CDH12: variants seen among roughly 807,000 people sequenced by gnomAD.
CDH12 encodes cadherin-12.
CDH12 carries 41 observed loss-of-function variants against 74.1 expected under a neutral mutation model. The observed-to-expected ratio is 0.55, with a 90% CI of 0.43 to 0.72. The LOEUF (loss-of-function observed/expected upper bound fraction) is 0.72. CDH12 is among the 30% of genes least tolerant of loss of function. The pLI is 0.00. For synonymous variants in CDH12, 399 were observed against 355.0 expected (o/e 1.12, Z -1.39); for missense variants, 945 against 977.2 (o/e 0.97, Z 0.44).
At chr5:22,239,318 A>C (rs145595891) in intron 3 of CDH12, among the ~76,000 whole-genome samples, 1 of 152,306 alleles carries the variant, frequency 6.6e-6, no homozygotes, top group East Asian at 1.9e-4. Flanking sequence ...TTCTCCAGGA[A>C]ATATAATTAC....
At chr5:21,951,978 G>A (rs1755883256) in intron 6 of CDH12, among the ~76,000 whole-genome samples, 1 of 152,148 alleles carries the variant, frequency 6.6e-6, no homozygotes, top group South Asian at 2.1e-4. Context: ...CAATGGAGAA[G>A]CCACAAAGAG....
chr5:22,568,926 C>T (rs1256087130), intron 1 of CDH12, among the ~76,000 whole-genome samples: 2 of 152,128 alleles, frequency 1.3e-5, no homozygotes, highest in Non-Finnish European at 2.9e-5. Flanking sequence ...AATCTTTTTG[C>T]TAGTGGAGGG....
intron 1 of CDH12, among the ~76,000 whole-genome samples, chr5:22,626,089 C>T (rs4604154): frequency 1.3e-5 from 2 of 152,138 alleles, no homozygotes; most frequent in East Asian, 3.9e-4. Context: ...AGCCATGGTG[C>T]TCCCGCCACT....
At chr5:22,455,810 AG>A (rs1745241109) in intron 2 of CDH12, among the ~76,000 whole-genome samples, 1 of 152,160 alleles carries the variant, frequency 6.6e-6, no homozygotes, top group African/African-American at 2.4e-5. Flanking sequence ...AGAGACAGGA[AG>A]AAAGCTAGGG....
intron 1 of CDH12, among the ~76,000 whole-genome samples, chr5:22,562,963 T>C (rs994493450): frequency 6.8e-6 from 1 of 147,802 alleles, no homozygotes; most frequent in Non-Finnish European, 1.5e-5. Flanking sequence ...TTTTATATAA[T>C]GCATGTTTAT....
At chr5:22,695,885 T>C (rs1024386427) in intron 1 of CDH12, among the ~76,000 whole-genome samples, 2 of 152,224 alleles carry the variant, frequency 1.3e-5, no homozygotes, top group African/African-American at 2.4e-5. Context: ...TTTTCAAGTC[T>C]GAAATTATGA....
intron 5 of CDH12, among the ~76,000 whole-genome samples, chr5:22,062,059 G>A (rs534285821): frequency 1.3e-5 from 2 of 151,990 alleles, no homozygotes; most frequent in South Asian, 4.2e-4. Flanking sequence ...AAAGAAGGAA[G>A]AAAAAAGAAA....
At chr5:21,807,361 ATGGCTAGCCTGG>A (rs1333404375) in intron 9 of CDH12, among the ~76,000 whole-genome samples, 4 of 152,124 alleles carry the variant, frequency 2.6e-5, no homozygotes, top group Non-Finnish European at 5.9e-5. Context: ...TGTCTTCCAC[ATGGCTAGCCTGG>A]TGTCAGATAA....
chr5:22,245,709 C>A (rs1016635665), intron 3 of CDH12, among the ~76,000 whole-genome samples: 10 of 151,484 alleles, frequency 6.6e-5, no homozygotes, highest in African/African-American at 2.4e-4. Flanking sequence ...TATATATAAT[C>A]TGAGATTGGA....
intron 6 of CDH12, among the ~76,000 whole-genome samples, chr5:21,935,011 C>G (rs1755014670): frequency 6.6e-6 from 1 of 152,146 alleles, no homozygotes; most frequent in Non-Finnish European, 1.5e-5. Flanking sequence ...TGGTCTGGAT[C>G]TCCTGACTTC....
intron 1 of CDH12, among the ~76,000 whole-genome samples, chr5:22,554,981 G>T (rs1738733605): frequency 1.3e-5 from 2 of 152,018 alleles, no homozygotes; most frequent in Admixed American, 1.3e-4. Context: ...AGAGCATGAA[G>T]AAAATAAAAA....
intron 4 of CDH12, among the ~76,000 whole-genome samples, chr5:22,141,635 G>A (rs1451074606): frequency 6.6e-6 from 1 of 152,120 alleles, no homozygotes; most frequent in Non-Finnish European, 1.5e-5. Context: ...GCAGCAATAT[G>A]AGTAGATCTG....
At chr5:22,793,548 A>T (rs904519876) in intron 1 of CDH12, among the ~76,000 whole-genome samples, 6 of 152,284 alleles carry the variant, frequency 3.9e-5, no homozygotes, top group African/African-American at 1.2e-4. Flanking sequence ...TTTATCATAA[A>T]CTTCTACAAT....
At chr5:22,330,924 C>T (rs530115245) in intron 3 of CDH12, among the ~76,000 whole-genome samples, 2 of 151,938 alleles carry the variant, frequency 1.3e-5, no homozygotes, top group Non-Finnish European at 2.9e-5. Context: ...GAGCACACTG[C>T]CCTAAAGTGT....
At chr5:22,495,829 T>C (rs568331789) in intron 2 of CDH12, among the ~76,000 whole-genome samples, 2 of 152,236 alleles carry the variant, frequency 1.3e-5, no homozygotes, top group South Asian at 2.1e-4. Flanking sequence ...TTTCTTGAAG[T>C]GGAAGGGGAT....
At chr5:22,137,183 C>G (rs1019524872) in intron 4 of CDH12, among the ~76,000 whole-genome samples, 7 of 152,008 alleles carry the variant, frequency 4.6e-5, no homozygotes, top group African/African-American at 1.7e-4. Context: ...ATCTTGACAT[C>G]AAACACATAT....
intron 1 of CDH12, among the ~76,000 whole-genome samples, chr5:22,850,789 T>C (rs1377868274): frequency 1.3e-5 from 2 of 152,078 alleles, no homozygotes; most frequent in Non-Finnish European, 2.9e-5. Flanking sequence ...ACCCAAGCCC[T>C]TAGATTTTAT....
chr5:22,179,972 T>C (rs1283663468), intron 4 of CDH12, among the ~76,000 whole-genome samples: 1 of 152,202 alleles, frequency 6.6e-6, no homozygotes, highest in Non-Finnish European at 1.5e-5. Flanking sequence ...AGAGTACTTG[T>C]GGTTGTTGTG....
intron 1 of CDH12, among the ~76,000 whole-genome samples, chr5:22,620,991 T>A (rs1737941999): frequency 6.6e-6 from 1 of 152,150 alleles, no homozygotes; most frequent in Admixed American, 6.5e-5. Context: ...GTTCTGGAGA[T>A]CAGAATTCTG....
Sources: gnomAD v4.1 joint callset for allele counts (sites outside exome capture counted in the v4.1 genomes callset) on GRCh38, gnomAD v4.1.1 for gene constraint, MANE v1.5 for transcripts, NCBI Gene and HGNC (gene_info 2026-07-23, HGNC 2026-07-21) for gene names.